Variants in PARP16 observed in about 807,000 individuals in gnomAD.
PARP16 encodes the protein poly(ADP-ribose) polymerase family member 16.
Under a neutral mutation model 35.0 loss-of-function variants are expected in PARP16, and 31 were observed. The observed-to-expected ratio is 0.88, with a 90% CI of 0.66 to 1.19. The LOEUF is 1.19. Among genes scored for constraint, PARP16 ranks in the 50% most tolerant of loss-of-function variants. PARP16 has a pLI of 0.00. For missense variants in PARP16, 424 were observed against 411.2 expected (o/e 1.03, Z -0.27); for synonymous variants, 162 against 169.5 (o/e 0.96, Z 0.34).
At chr15:65,279,276 G>A (rs1246612616) in intron 1 of PARP16, among the ~76,000 whole-genome samples, 4 of 152,140 alleles carry the variant, frequency 2.6e-5, no homozygotes, top group Admixed American at 6.6e-5. Flanking sequence ...TCAAGACAGC[G>A]CCACACAAAC....
At chr15:65,240,323 A>AGTGTGTGTGTGTGTGTGTGTGTGT (rs34811236) in intron 3 of PARP16, among the ~76,000 whole-genome samples, 96 of 126,118 alleles carry the variant, frequency 7.6e-4, no homozygotes, top group African/African-American at 2.7e-3. Context: ...GGGGGGGGCT[A>AGTGTGTGTGTGTGTGTGTGTGTGT]GTGTGTGTGT....
At chr15:65,249,067 T>A (rs1421340080) in intron 2 of PARP16, among the ~76,000 whole-genome samples, 2 of 152,190 alleles carry the variant, frequency 1.3e-5, no homozygotes, top group Non-Finnish European at 2.9e-5. Context: ...CAGCCTGATC[T>A]TCAAAACAGG....
chr15:65,273,883 A>AG lies in PARP16; in HGVS notation c.175-2812_175-2811insC, dbSNP rs942256181. ...AATAGCAAAACTCTGTTTCAAAAAA[A>AG]AAAAAAACAAAAAACACCAACTATC... On this transcript the variant is annotated intron_variant, in intron 1 of 5. Transcript: ENST00000649807. Among the ~76,000 whole-genome samples the AG allele has an allele frequency of 1.2e-4, 18 of 151,596 alleles. 1 individual carries two copies. The highest frequency in any genetic ancestry group is 1.0e-3 in the South Asian group (5 of 4,776).
At chr15:65,277,175 T>C (rs985235436) in intron 1 of PARP16, among the ~76,000 whole-genome samples, 4 of 152,186 alleles carry the variant, frequency 2.6e-5, no homozygotes, top group Non-Finnish European at 4.4e-5. Context: ...ATGTGACCTA[T>C]GGTTTTCTTC....
downstream of PARP16, among the ~76,000 whole-genome samples, chr15:65,253,353 CG>C (rs2089411062): frequency 6.7e-6 from 1 of 149,494 alleles, no homozygotes; most frequent in Admixed American, 6.7e-5. Context: ...TTTTTTGAGA[CG>C]GAGTCTCGCT....
downstream of PARP16, among the ~76,000 whole-genome samples, chr15:65,256,489 G>A (rs1420152674): frequency 7.0e-6 from 1 of 142,572 alleles, no homozygotes; most frequent in East Asian, 2.3e-4. Flanking sequence ...TTCACTGCAA[G>A]CTCCGCCTCC....
At chr15:65,266,510 C>G (rs367714331) in intron 3 of PARP16, 52 bp downstream of exon 3, 7 of 1,486,344 alleles carry the variant, frequency 4.7e-6, no homozygotes, top group Non-Finnish European at 6.6e-6. Context: ...TCCCCACTCT[C>G]CCACCTCCAT....
At chr15:65,245,457 G>A (rs77231942) in intron 3 of PARP16, among the ~76,000 whole-genome samples, 11,164 of 152,262 alleles carry the variant, frequency 0.073, 541 homozygotes, top group Non-Finnish European at 0.11. Flanking sequence ...GAGGGAAGAG[G>A]CTTTGGATAG....
Position 65,235,598 on chromosome 15 carries a change from T to C in PARP16, c.*98-775A>G, listed in dbSNP as rs188933313. The stretch of plus-strand genomic sequence containing the variant: ...GTGGGCAGTTTGTTTGAGCCCAGGG[T>C]TCAACACCAGCCCAGGCAATATGGT... On this transcript the variant is annotated intron_variant and NMD_transcript_variant, in intron 3 of 3. Transcript: ENST00000559805. Among the ~76,000 whole-genome samples, 375 of 147,024 alleles carry C rather than the reference T, an allele frequency of 2.6e-3. 2 individuals carry two copies. The highest frequency in any genetic ancestry group is 9.1e-3 in the African/African-American group (358 of 39,546).
At chr15:65,278,108 T>C (rs1352635556) in intron 1 of PARP16, among the ~76,000 whole-genome samples, 2 of 152,040 alleles carry the variant, frequency 1.3e-5, no homozygotes, top group East Asian at 1.9e-4. Context: ...TCCCAAAAAG[T>C]GCTCCTCCTG....
At chr15:65,280,691 G>C (rs2140969602) in intron 1 of PARP16, among the ~76,000 whole-genome samples, 1 of 152,268 alleles carries the variant, frequency 6.6e-6, no homozygotes, top group Non-Finnish European at 1.5e-5. Flanking sequence ...CTTCAACAAA[G>C]ATGGAAATGG....
intron 3 of PARP16, among the ~76,000 whole-genome samples, chr15:65,245,039 C>T (rs949919100): frequency 6.6e-6 from 1 of 152,228 alleles, no homozygotes; most frequent in Non-Finnish European, 1.5e-5. Flanking sequence ...CTTACTGCTC[C>T]CCATTCCCTG....
Position 65,285,067 on chromosome 15 carries a change from G to A in PARP16, c.174+1186C>T, listed in dbSNP as rs151324158. On this transcript the variant is annotated intron_variant, in intron 1 of 5. Transcript: ENST00000649807. Reference sequence around the variant, plus strand: ...CCAAAGTCCTTGGGATTACAGGCATGAGCCACTCAGCCTTTTTCTTCTTTT... The same window carrying A: ...CCAAAGTCCTTGGGATTACAGGCATAAGCCACTCAGCCTTTTTCTTCTTTT... 4.1e-3 allele frequency among the ~76,000 whole-genome samples: 626 copies of A among 151,686 alleles called. 1 individual carries two copies. The highest frequency in any genetic ancestry group is 6.3e-3 in the Non-Finnish European group (431 of 67,958).
downstream of PARP16, among the ~76,000 whole-genome samples, chr15:65,254,376 A>G (rs1327560123): frequency 6.6e-6 from 1 of 152,160 alleles, no homozygotes; most frequent in Non-Finnish European, 1.5e-5. Context: ...TGCAAAGGAG[A>G]GGGGCTTATT....
Position 65,286,407 on chromosome 15 carries a change from G to GCCCAGCCTGAGGGCTGCAT in PARP16, c.1_19dup (p.Ala7AspfsTer53), listed in dbSNP as rs1163903513. 1 of 1,539,672 alleles carries GCCCAGCCTGAGGGCTGCAT rather than the reference G, an allele frequency of 6.5e-7. No homozygotes were observed. The highest frequency in any genetic ancestry group is 8.7e-7 in the Non-Finnish European group (1 of 1,146,866). ...GCGGCCCGCCGCCTCCCTGGCGGCC[G>GCCCAGCCTGAGGGCTGCAT]CCCAGCCTGAGGGCTGCATCCCAGG... On this transcript the variant is annotated frameshift_variant, in exon 1 of 6. Transcript: ENST00000649807. LOFTEE classifies it high-confidence loss of function.
At chr15:65,260,839 A>G (rs1000145859) in intron 5 of PARP16, 46 bp downstream of exon 5, 1 of 1,591,668 alleles carries the variant, frequency 6.3e-7, no homozygotes, top group Non-Finnish European at 8.6e-7. Context: ...CAACTAAGAA[A>G]GCCAGCACTC....
chr15:65,283,206 G>A (rs1053913788), intron 1 of PARP16, among the ~76,000 whole-genome samples: 1 of 152,124 alleles, frequency 6.6e-6, no homozygotes, highest in Non-Finnish European at 1.5e-5. Context: ...GAAGGCTGAG[G>A]TGGGAGAATT....
At chr15:65,231,197 C>T (rs537868391), downstream of PARP16, among the ~76,000 whole-genome samples, 108 of 152,048 alleles carry the variant, frequency 7.1e-4, no homozygotes, top group African/African-American at 2.5e-3. Context: ...CTAGATATGC[C>T]TCTTGTGAAC....
intron 3 of PARP16, among the ~76,000 whole-genome samples, chr15:65,240,736 C>G (rs2089050595): frequency 6.6e-6 from 1 of 152,154 alleles, no homozygotes; most frequent in Non-Finnish European, 1.5e-5. Context: ...TTTGTATGAG[C>G]TTCTGCTGTC....
Sources: gnomAD v4.1 joint callset for allele counts (sites outside exome capture counted in the v4.1 genomes callset) on GRCh38, gnomAD v4.1.1 for gene constraint, MANE v1.5 for transcripts, NCBI Gene and HGNC (gene_info 2026-07-23, HGNC 2026-07-21) for gene names.